POLR2B: variants seen among roughly 807,000 people sequenced by gnomAD.
The protein encoded by POLR2B is DNA-directed RNA polymerase II subunit RPB2.
A neutral mutation model predicts 144.6 loss-of-function variants in POLR2B; 57 were observed. The observed-to-expected ratio is 0.39, with a 90% CI of 0.32 to 0.49. The LOEUF (loss-of-function observed/expected upper bound fraction) is 0.49. Among genes scored for constraint, POLR2B ranks in the 20% least tolerant of loss-of-function variants. The pLI is 0.83. For synonymous variants in POLR2B, 442 were observed against 469.8 expected (o/e 0.94, Z 0.77); for missense variants, 595 against 1,467.4 (o/e 0.41, Z 9.71).
intron 23 of POLR2B, among the ~76,000 whole-genome samples, 183 bp downstream of exon 23, chr4:57,025,720 A>G (rs1486762302): frequency 1.3e-5 from 2 of 152,046 alleles, no homozygotes; most frequent in Admixed American, 6.6e-5. Context: ...TGATATTATC[A>G]TCATGTTTTA....
chr4:56,999,257 G>A (rs1171164204), intron 6 of POLR2B, among the ~76,000 whole-genome samples: 2 of 144,910 alleles, frequency 1.4e-5, no homozygotes, highest in African/African-American at 5.1e-5. Flanking sequence ...TTCTTCCAGA[G>A]GTTTAATTTT....
intron 6 of POLR2B, among the ~76,000 whole-genome samples, chr4:56,996,638 C>T (rs992388767): frequency 1.3e-5 from 2 of 151,910 alleles, no homozygotes; most frequent in Non-Finnish European, 2.9e-5. Context: ...TATTTTGATA[C>T]GTGTATACAA....
chr4:57,008,717 AAAG>A (rs1402600615), intron 10 of POLR2B, among the ~76,000 whole-genome samples: 3 of 152,244 alleles, frequency 2.0e-5, no homozygotes, highest in Non-Finnish European at 4.4e-5. Context: ...GAGAAGGTGA[AAAG>A]AAGTCCTTGT....
chr4:57,019,823 T>C (rs1723484774), intron 16 of POLR2B, among the ~76,000 whole-genome samples: 1 of 149,294 alleles, frequency 6.7e-6, no homozygotes. Context: ...ACGATGTCTT[T>C]AATGGGTCTA....
At position 56,994,109 on chromosome 4, in the gene POLR2B, G is replaced by A. The variant is rs906525322; in HGVS notation, c.244-295G>A. Among the ~76,000 whole-genome samples the A allele has an allele frequency of 3.9e-5, 6 of 152,146 alleles. 1 individual carries two copies. The highest frequency in any genetic ancestry group is 2.0e-4 in the Admixed American group (3 of 15,268). On this transcript the variant is annotated intron_variant, in intron 3 of 24. Coordinates refer to ENST00000314595, the MANE Select transcript of POLR2B (RefSeq NM_000938.3). The stretch of plus-strand genomic sequence containing the variant: ...TAGTTGATAAGTGTGTGATGATTGG[G>A]TGTGAGATGTGCCTTCCTTAAACCT...
Position 57,016,520 on chromosome 4 carries a change from CA to C in POLR2B, c.1956-512del, listed in dbSNP as rs544528388. ...TGGGCAACAGAGCAAGACCCTGTCT[CA>C]AAAAAAAAAAGTTTTTGTGATATAT... On this transcript the variant is annotated intron_variant, in intron 14 of 24. Coordinates refer to ENST00000314595, the MANE Select transcript of POLR2B (RefSeq NM_000938.3). 4.4e-4 allele frequency among the ~76,000 whole-genome samples: 59 copies of C among 135,176 alleles called. 1 individual carries two copies. Among genetic ancestry groups the C allele is most frequent in the African/African-American group, 4.1e-4 (15 of 36,710 alleles). 88.7% of individuals were successfully genotyped at this position (135,176 alleles called of 152,430 possible).
At position 57,020,917 on chromosome 4, in the gene POLR2B, C is replaced by A; in HGVS notation, c.2342C>A (p.Ala781Asp). The change falls in exon 17 of 25, where the codon GCC becomes GAC. Residue 781 changes from alanine (A) to aspartate (D), a missense_variant. This residue lies in a region of POLR2B where 39 missense variants were observed against 174.3 expected (regional missense o/e 0.22). Coordinates refer to ENST00000314595, the MANE Select transcript of POLR2B (RefSeq NM_000938.3). Reference protein sequence around the residue: ...ELPAGINSIVAIASYTGYNQE... With the variant: ...ELPAGINSIVDIASYTGYNQE... ...ACTGCAGGCATCAACTCAATTGTGG[C>A]CATTGCATCATACACTGGATATAAT... is the stretch of plus-strand genomic sequence containing the variant. The A allele has an allele frequency of 6.3e-7, 1 of 1,589,932 alleles. No individual in the cohort carries two copies. Among genetic ancestry groups the A allele is most frequent in the Non-Finnish European group, 8.6e-7 (1 of 1,157,972 alleles).
chr4:56,996,430 G>A (rs1302626417), intron 6 of POLR2B, among the ~76,000 whole-genome samples: 2 of 150,462 alleles, frequency 1.3e-5, no homozygotes, highest in South Asian at 2.1e-4. Context: ...ACAGGCGCCC[G>A]CCACCGCGCC....
At chr4:57,030,825 G>T (rs1723893964) in intron 24 of POLR2B, 74 bp from the exon 25 acceptor site, 1 of 827,922 alleles carries the variant, frequency 1.2e-6, no homozygotes, top group Admixed American at 1.8e-5. Context: ...CCAGATCTTT[G>T]TCTTTTTCTG....
At chr4:57,012,882 T>A (rs906623980) in intron 13 of POLR2B, among the ~76,000 whole-genome samples, 1 of 151,788 alleles carries the variant, frequency 6.6e-6, no homozygotes, top group Admixed American at 6.6e-5. Flanking sequence ...ACTCTCTTGC[T>A]CAGGCTGGAG....
At chr4:57,014,869 A>C (rs955987605) in intron 13 of POLR2B, among the ~76,000 whole-genome samples, 1 of 152,124 alleles carries the variant, frequency 6.6e-6, no homozygotes, top group Admixed American at 6.6e-5. Context: ...ATTAATATAA[A>C]AATTATTAGT....
intron 16 of POLR2B, 99 bp from the exon 17 acceptor site, chr4:57,020,800 T>C (rs1463227769): frequency 2.6e-6 from 2 of 779,368 alleles, no homozygotes; most frequent in Non-Finnish European, 4.7e-6. Context: ...CACCCAAGCA[T>C]TTATGGCAAA....
In POLR2B at chr4:57,023,424, A is replaced by G. The variant is rs773823303; in HGVS notation, c.2610A>G (p.Thr870=). 2 of 1,614,010 alleles carry G rather than the reference A, an allele frequency of 1.2e-6. No homozygotes were observed. The highest frequency in any genetic ancestry group is 1.7e-6 in the Non-Finnish European group (2 of 1,179,880). ...VSGDDVIIGK[T]VTLPENEDEL... ...GAGATGATGTTATTATAGGCAAAAC[A>G]GTCACCTTGCCTGAAAATGAAGATG... The change falls in exon 19 of 25, where the codon ACA becomes ACG. Residue 870 remains threonine, a synonymous_variant. Transcript: ENST00000314595. This position sits in a 1 kb window ranked among gnomAD's most constrained non-coding sequence, Gnocchi z 4.3.
chr4:57,005,832 A>T, intron 9 of POLR2B, 113 bp downstream of exon 9: 1 of 903,836 alleles, frequency 1.1e-6, no homozygotes, highest in South Asian at 2.0e-5. Flanking sequence ...GTACTTATGA[A>T]ATTAGCTACA....
intron 2 of POLR2B, among the ~76,000 whole-genome samples, chr4:56,989,508 G>T (rs1349640997): frequency 3.3e-5 from 5 of 152,232 alleles, no homozygotes; most frequent in African/African-American, 9.6e-5. Context: ...TCAGGGTGGG[G>T]CCAATTTGTT....
intron 21 of POLR2B, among the ~76,000 whole-genome samples, 174 bp from the exon 22 acceptor site, chr4:57,024,712 A>G (rs1056087276): frequency 6.6e-6 from 1 of 152,200 alleles, no homozygotes. Flanking sequence ...TATATATCAC[A>G]GCTTTCCATA....
chr4:56,990,166 C>A (rs184463407), intron 2 of POLR2B, among the ~76,000 whole-genome samples: 25 of 152,188 alleles, frequency 1.6e-4, no homozygotes, highest in Admixed American at 7.9e-4. Context: ...GTTTTCTCTC[C>A]TGACATATTT....
chr4:56,996,431 C>T (rs1384083779), intron 6 of POLR2B, among the ~76,000 whole-genome samples: 2 of 150,654 alleles, frequency 1.3e-5, no homozygotes, highest in Non-Finnish European at 3.0e-5. Context: ...CAGGCGCCCG[C>T]CACCGCGCCC....
At position 57,006,954 on chromosome 4, in the gene POLR2B, C is replaced by T. The variant is rs764809430; in HGVS notation, c.1356C>T (p.Asn452=). The T allele has an allele frequency of 5.0e-6, 8 of 1,614,034 alleles. No individual in the cohort carries two copies. The highest frequency in any genetic ancestry group is 6.8e-6 in the Non-Finnish European group (8 of 1,179,902). Residue 452 remains asparagine (N), a synonymous_variant, in exon 10 of 25, where the codon AAC becomes AAT. Coordinates refer to ENST00000314595, the MANE Select transcript of POLR2B (RefSeq NM_000938.3). ...TAAAATACTCTTTAGCTACTGGAAA[C>T]TGGGGTGATCAAAAGAAAGCTCATC... ...DGLKYSLATG[N]WGDQKKAHQA...
Sources: allele counts gnomAD v4.1 joint callset (sites outside exome capture counted in the v4.1 genomes callset), GRCh38; gene constraint gnomAD v4.1.1; regional missense constraint gnomAD v4.1.1; non-coding constraint Gnocchi (gnomAD v3.1); transcripts MANE v1.5; gene names NCBI Gene and HGNC (gene_info 2026-07-23, HGNC 2026-07-21).